Variants in OTULIN observed in about 807,000 individuals in gnomAD.
OTULIN encodes the protein OTU deubiquitinase with linear linkage specificity, also known as ubiquitin thioesterase otulin.
Under a neutral mutation model 39.6 loss-of-function variants are expected in OTULIN, and 15 were observed. The observed-to-expected ratio is 0.38, with a 90% CI of 0.25 to 0.58. The LOEUF is 0.58. Among genes scored for constraint, OTULIN ranks in the 20% least tolerant of loss-of-function variants. The pLI is 0.66. For synonymous variants in OTULIN, 156 were observed against 170.3 expected (o/e 0.92, Z 0.65); for missense variants, 319 against 445.9 (o/e 0.72, Z 2.56).
At chr5:14,711,146 G>A in the OTULIN span, 14 of 1,434,994 alleles carry the variant, frequency 9.8e-6, no homozygotes, top group South Asian at 2.3e-5. Context: ...AGATGATGCC[G>A]AAGTGTCATC....
At chr5:14,713,589 C>T in the OTULIN span, 4 of 1,614,088 alleles carry the variant, frequency 2.5e-6, no homozygotes, top group African/African-American at 1.3e-5. This position sits in a 1 kb window ranked among gnomAD's most constrained non-coding sequence, Gnocchi z 4.4. Flanking sequence ...GACGATGATC[C>T]GCAGCACAGA....
chr5:14,712,565 C>T, the OTULIN span, among the ~76,000 whole-genome samples: 2 of 152,264 alleles, frequency 1.3e-5, no homozygotes, highest in African/African-American at 4.8e-5. Flanking sequence ...GGGTCATTCC[C>T]CAAAGCAAGC....
At chr5:14,676,607 T>TG (rs752379225) in intron 2 of OTULIN, among the ~76,000 whole-genome samples, 1 of 152,244 alleles carries the variant, frequency 6.6e-6, no homozygotes, top group Non-Finnish European at 1.5e-5. Context: ...CATGGGGTGC[T>TG]GGGCTTGCCC....
At chr5:14,670,972 A>T (rs2126814296) in intron 1 of OTULIN, among the ~76,000 whole-genome samples, 1 of 152,260 alleles carries the variant, frequency 6.6e-6, no homozygotes, top group East Asian at 1.9e-4. Flanking sequence ...TGGTTAAAGC[A>T]ATTTGATTAT....
chr5:14,669,237 C>T (rs1171155252), intron 1 of OTULIN, among the ~76,000 whole-genome samples: 10 of 151,964 alleles, frequency 6.6e-5, no homozygotes, highest in Non-Finnish European at 7.4e-5. Context: ...TGGTGGCAGA[C>T]GCCTGTAATC....
chr5:14,708,065 C>G, the OTULIN span: 1 of 152,234 alleles, frequency 6.6e-6, no homozygotes, highest in Non-Finnish European at 1.5e-5. Context: ...TTTCCAAGCG[C>G]AAGCCTCGTC....
chr5:14,679,756 C>T (rs1335775961), intron 3 of OTULIN, among the ~76,000 whole-genome samples: 2 of 152,196 alleles, frequency 1.3e-5, no homozygotes, highest in African/African-American at 2.4e-5. Context: ...CTAGCTGCCA[C>T]TTGTAAAGCT....
the OTULIN span, among the ~76,000 whole-genome samples, chr5:14,713,291 G>A: frequency 6.6e-6 from 1 of 152,120 alleles, no homozygotes; most frequent in Non-Finnish European, 1.5e-5. This position sits in a 1 kb window ranked among gnomAD's most constrained non-coding sequence, Gnocchi z 4.4. Context: ...GTTCAAGCCC[G>A]TGCAGGGCCG....
downstream of OTULIN, among the ~76,000 whole-genome samples, chr5:14,701,160 C>G (rs1561008805): frequency 1.3e-5 from 2 of 152,250 alleles, no homozygotes; most frequent in Non-Finnish European, 2.9e-5. Context: ...TGTCTCCCCA[C>G]TTCTTGTCCC....
chr5:14,676,997 T>A (rs1736119297), intron 2 of OTULIN, among the ~76,000 whole-genome samples: 1 of 152,254 alleles, frequency 6.6e-6, no homozygotes, highest in African/African-American at 2.4e-5. Flanking sequence ...AATCCTGATG[T>A]GTGCCACAGA....
chr5:14,706,562 T>G, the OTULIN span: 7 of 152,234 alleles, frequency 4.6e-5, no homozygotes, highest in Non-Finnish European at 1.0e-4. Context: ...ATACTATATA[T>G]TTGTGACTTT....
intron 1 of OTULIN, among the ~76,000 whole-genome samples, chr5:14,667,972 GAAA>G (rs1735892539): frequency 6.6e-6 from 1 of 152,176 alleles, no homozygotes; most frequent in Non-Finnish European, 1.5e-5. Flanking sequence ...GGCTAGGCCA[GAAA>G]TGCTTAGGGA....
chr5:14,676,680 A>G lies in OTULIN; in HGVS notation c.230-2001A>G, dbSNP rs1736113005. 2.0e-5 allele frequency among the ~76,000 whole-genome samples: 3 copies of G among 152,248 alleles called. No individual in the cohort carries two copies. The South Asian group carries it at 6.2e-4, about 32-fold the overall frequency. ...GAGGACTGCAGGGAGGAGAGCAGGA[A>G]GGTAGATTTCCTTCCCAGGAGTCCC... On this transcript the variant is annotated intron_variant, in intron 2 of 6. Transcript: ENST00000284274.
chr5:14,669,820 T>C (rs950350357), intron 1 of OTULIN, among the ~76,000 whole-genome samples: 11 of 152,200 alleles, frequency 7.2e-5, no homozygotes, highest in Non-Finnish European at 4.4e-5. Flanking sequence ...TTTTAAGTTG[T>C]ACATATTTAT....
At chr5:14,713,052 G>A in the OTULIN span, 3 of 1,389,816 alleles carry the variant, frequency 2.2e-6, no homozygotes, top group African/African-American at 1.4e-5. This position sits in a 1 kb window ranked among gnomAD's most constrained non-coding sequence, Gnocchi z 4.4. Flanking sequence ...ACCCAGGAAA[G>A]TAAGTGTAGC....
intron 2 of OTULIN, among the ~76,000 whole-genome samples, chr5:14,675,664 A>G (rs764461986): frequency 8.5e-5 from 13 of 152,190 alleles, no homozygotes; most frequent in Non-Finnish European, 1.9e-4. Context: ...CACACGGGCA[A>G]TCAAGCTTTA....
rs1736249884 is a variant in OTULIN at position 14,681,541 on chromosome 5, G to A, written c.402G>A (p.Thr134=). 16 of 1,613,968 alleles carry A rather than the reference G, an allele frequency of 9.9e-6. No homozygotes were observed. The highest frequency in any genetic ancestry group is 2.7e-5 in the African/African-American group (2 of 74,932). Reference sequence around the variant, plus strand: ...ATAATTACTGTGCACTGAGGGCCACGCTGTTCCAGGCCATGAGCCAGGCTG... The same window carrying A: ...ATAATTACTGTGCACTGAGGGCCACACTGTTCCAGGCCATGAGCCAGGCTG... ...RGDNYCALRA[T]LFQAMSQAVG... is the part of the protein sequence containing the mutation. The change falls in exon 4 of 7, where the codon ACG becomes ACA. Residue 134 remains threonine (T), a synonymous_variant. Coordinates refer to ENST00000284274, the MANE Select transcript of OTULIN (RefSeq NM_138348.6).
At chr5:14,708,395 A>G in the OTULIN span, 1 of 152,242 alleles carries the variant, frequency 6.6e-6, no homozygotes, top group East Asian at 1.9e-4. Flanking sequence ...AGAATCTCAC[A>G]GGCATGGTAA....
intron 2 of OTULIN, among the ~76,000 whole-genome samples, chr5:14,675,316 A>C (rs964181670): frequency 6.6e-6 from 1 of 152,296 alleles, no homozygotes; most frequent in East Asian, 1.9e-4. Flanking sequence ...GAACAAAAGC[A>C]TTGTCATGTG....
Sources: gnomAD v4.1 joint callset for allele counts (sites outside exome capture counted in the v4.1 genomes callset) on GRCh38, gnomAD v4.1.1 for gene constraint, Gnocchi (gnomAD v3.1) non-coding constraint, MANE v1.5 for transcripts, NCBI Gene and HGNC (gene_info 2026-07-23, HGNC 2026-07-21) for gene names.